GPBP1: variants seen among roughly 807,000 people sequenced by gnomAD.
GPBP1 encodes the protein vasculin.
Under a neutral mutation model 56.5 loss-of-function variants are expected in GPBP1, and 13 were observed. The ratio of observed to expected loss-of-function variants is 0.23; its 90% CI spans 0.15 to 0.37. The LOEUF is 0.37. GPBP1 is among the 10% of genes least tolerant of loss of function. The pLI is 1.00. For synonymous variants in GPBP1, 204 were observed against 188.9 expected, an observed-to-expected ratio of 1.08 and a Z score of -0.66; for missense variants, 477 against 572.3, an observed-to-expected ratio of 0.83 and a Z score of 1.70.
At chr5:57,204,130 G>C (rs750173693) in intron 2 of GPBP1, among the ~76,000 whole-genome samples, 2 of 152,144 alleles carry the variant, frequency 1.3e-5, no homozygotes, top group Non-Finnish European at 2.9e-5. Context: ...TATTAATAAA[G>C]TTTCGTTAAT....
rs766768824 is a variant in GPBP1, at chr5:57,251,054, A to G, written c.1073A>G (p.Asn358Ser). 3.7e-5 allele frequency: 59 copies of G among 1,613,600 alleles called. No individual in the cohort carries two copies. In the East Asian group the frequency reaches 4.7e-4, roughly 13 times the overall value. Reference protein sequence around the residue: ...DENEIPQENGNASVISQQIIR... With the variant: ...DENEIPQENGSASVISQQIIR... Reference sequence around the variant, plus strand: ...AATGAAATTCCTCAAGAGAATGGCAATGCCTCAGTGATTTCCCAGCAGATC... The same window carrying G: ...AATGAAATTCCTCAAGAGAATGGCAGTGCCTCAGTGATTTCCCAGCAGATC... Residue 358 changes from asparagine (N) to serine (S), a missense_variant, in exon 10 of 12, where the codon AAT becomes AGT. Coordinates refer to ENST00000506184, the MANE Select transcript of GPBP1 (RefSeq NM_022913.4).
chr5:57,206,265 T>C (rs1420421467), intron 2 of GPBP1, among the ~76,000 whole-genome samples: 2 of 152,348 alleles, frequency 1.3e-5, no homozygotes, highest in African/African-American at 4.8e-5. Flanking sequence ...TTTTAATTGT[T>C]ACTCTTGGTT....
intron 3 of GPBP1, among the ~76,000 whole-genome samples, chr5:57,219,005 T>C (rs13177749): frequency 0.64 from 96,542 of 151,922 alleles, 31,376 homozygotes; most frequent in East Asian, 0.98. Flanking sequence ...ATCCAGGATG[T>C]ATCTCCTATT....
intron 10 of GPBP1, among the ~76,000 whole-genome samples, chr5:57,252,144 C>T (rs1461885312): frequency 6.9e-6 from 1 of 145,246 alleles, no homozygotes; most frequent in Non-Finnish European, 1.5e-5. Context: ...CACCCCCACC[C>T]CCACAGGCAC....
At chr5:57,256,466 AT>A (rs1455186162) in intron 10 of GPBP1, among the ~76,000 whole-genome samples, 1 of 151,874 alleles carries the variant, frequency 6.6e-6, no homozygotes, top group Non-Finnish European at 1.5e-5. Context: ...TTTCTTTTAT[AT>A]TTAGGTTACT....
At chr5:57,207,814 C>G (rs1331378953) in intron 2 of GPBP1, among the ~76,000 whole-genome samples, 1 of 152,176 alleles carries the variant, frequency 6.6e-6, no homozygotes, top group East Asian at 1.9e-4. Context: ...CCAAACCCAG[C>G]CAAACTTCAT....
intron 3 of GPBP1, among the ~76,000 whole-genome samples, chr5:57,219,403 ACC>A (rs762591826): frequency 0.21 from 12,146 of 59,022 alleles, 2,283 homozygotes; most frequent in Non-Finnish European, 0.24. Context: ...AAAAAAAAAA[ACC>A]AAAAACAAAC....
chr5:57,250,699 C>T (rs567400917), intron 9 of GPBP1, among the ~76,000 whole-genome samples: 13 of 152,064 alleles, frequency 8.5e-5, no homozygotes, highest in East Asian at 7.8e-4. Flanking sequence ...TGTATCACCA[C>T]GCCCAGCTAA....
chr5:57,198,277 T>C (rs76448517), intron 2 of GPBP1, among the ~76,000 whole-genome samples: 1,974 of 152,310 alleles, frequency 0.013, 43 homozygotes, highest in African/African-American at 0.044. Flanking sequence ...TCATCAGTTA[T>C]TATGCTTTCA....
At chr5:57,260,490 G>A (rs1741851327) in intron 10 of GPBP1, among the ~76,000 whole-genome samples, 1 of 152,130 alleles carries the variant, frequency 6.6e-6, no homozygotes, top group African/African-American at 2.4e-5. Flanking sequence ...TCTGATAGGG[G>A]CTTTTCGCAA....
chr5:57,219,268 C>CGGG, intron 3 of GPBP1, among the ~76,000 whole-genome samples: 1 of 148,218 alleles, frequency 6.7e-6, no homozygotes, highest in South Asian at 2.2e-4. Flanking sequence ...CCCAGCTACT[C>CGGG]GGGAGGCTGA....
chr5:57,194,456 G>C (rs1185166604), intron 2 of GPBP1, among the ~76,000 whole-genome samples: 1 of 152,084 alleles, frequency 6.6e-6, no homozygotes, highest in Non-Finnish European at 1.5e-5. Flanking sequence ...TTTGATAAAA[G>C]CATACAGTGT....
chr5:57,218,212 T>C (rs1755784165), intron 3 of GPBP1, among the ~76,000 whole-genome samples: 1 of 152,134 alleles, frequency 6.6e-6, no homozygotes, highest in Non-Finnish European at 1.5e-5. Context: ...GTTCTGACAC[T>C]GTCTGCTTGG....
chr5:57,242,117 A>AT (rs1363077329), intron 6 of GPBP1, among the ~76,000 whole-genome samples: 1 of 152,160 alleles, frequency 6.6e-6, no homozygotes, highest in Non-Finnish European at 1.5e-5. Flanking sequence ...CAGGACATAG[A>AT]TTGGTTTTAT....
chr5:57,205,867 G>A (rs1042424018), intron 2 of GPBP1, among the ~76,000 whole-genome samples: 2 of 152,018 alleles, frequency 1.3e-5, no homozygotes, highest in Non-Finnish European at 2.9e-5. Context: ...GGTCACAGGC[G>A]ATCCTCCCAC....
intron 6 of GPBP1, among the ~76,000 whole-genome samples, chr5:57,242,704 C>T (rs933605408): frequency 6.6e-6 from 1 of 152,180 alleles, no homozygotes; most frequent in African/African-American, 2.4e-5. Flanking sequence ...CCTTGGCCTC[C>T]GAAAGTGCTG....
Position 57,175,688 on chromosome 5 carries a change from G to A in GPBP1, c.-770G>A. On this transcript the variant is annotated 5_prime_UTR_variant, in exon 2 of 12. Coordinates refer to ENST00000506184, the MANE Select transcript of GPBP1 (RefSeq NM_022913.4). ...TTTGGTTCAAACGGATTATATAACT[G>A]GTTACAGTATTTCAGCTGGTGGTAA... The A allele has an allele frequency of 2.5e-6, 1 of 396,504 alleles. No homozygotes were observed. Among genetic ancestry groups the A allele is most frequent in the Non-Finnish European group, 4.4e-6 (1 of 225,292 alleles). 24.6% of individuals were successfully genotyped at this position (396,504 alleles called of 1,614,324 possible). A position where few individuals can be genotyped will look rare whatever the true frequency, so the allele number is the denominator to read the frequency against.
At chr5:57,235,921 G>T in intron 5 of GPBP1, 45 bp from the exon 6 acceptor site, 2 of 1,362,746 alleles carry the variant, frequency 1.5e-6, no homozygotes, top group Non-Finnish European at 2.1e-6. Context: ...GGTTTTAAAT[G>T]ATTTATTTTT....
intron 1 of GPBP1, among the ~76,000 whole-genome samples, chr5:57,175,002 T>C (rs1472621141): frequency 1.3e-5 from 2 of 152,216 alleles, no homozygotes; most frequent in Non-Finnish European, 2.9e-5. Flanking sequence ...GGGAGCCTCT[T>C]TCTCTTTACA....
Sources: gnomAD v4.1 joint callset for allele counts (sites outside exome capture counted in the v4.1 genomes callset) on GRCh38, gnomAD v4.1.1 for gene constraint, MANE v1.5 for transcripts, NCBI Gene and HGNC (gene_info 2026-07-23, HGNC 2026-07-21) for gene names.